Variants in PRKCB observed in about 807,000 individuals in gnomAD.
The protein encoded by PRKCB is protein kinase C beta type.
PRKCB carries 13 observed loss-of-function variants against 81.5 expected under a neutral mutation model. The observed-to-expected ratio is 0.16, with a 90% CI of 0.10 to 0.25. PRKCB has a LOEUF of 0.25. Ranked by LOEUF, PRKCB falls within the 10% of genes least tolerant of loss-of-function variation. The pLI is 1.00. For synonymous variants in PRKCB, 335 were observed against 321.4 expected, an observed-to-expected ratio of 1.04 and a Z score of -0.45; for missense variants, 509 against 875.7, an observed-to-expected ratio of 0.58 and a Z score of 5.29.
At chr16:24,192,758 G>A (rs374684687) in intron 16 of PRKCB, among the ~76,000 whole-genome samples, 27 of 152,244 alleles carry the variant, frequency 1.8e-4, no homozygotes, top group African/African-American at 6.5e-4. Flanking sequence ...GAGCACTTTA[G>A]GAATGAAGTT....
chr16:23,870,174 A>G (rs897361602), intron 2 of PRKCB, among the ~76,000 whole-genome samples: 9 of 152,242 alleles, frequency 5.9e-5, no homozygotes, highest in Admixed American at 3.9e-4. Context: ...CAAGCACCAA[A>G]CTGATACTTT....
intron 5 of PRKCB, among the ~76,000 whole-genome samples, chr16:24,065,149 C>T (rs1966016751): frequency 6.6e-6 from 1 of 150,584 alleles, no homozygotes; most frequent in African/African-American, 2.4e-5. Flanking sequence ...ATTTTTAATA[C>T]AGTCTGACAA....
chr16:24,103,913 C>A (rs1168055370), intron 7 of PRKCB, among the ~76,000 whole-genome samples: 1 of 152,212 alleles, frequency 6.6e-6, no homozygotes, highest in Non-Finnish European at 1.5e-5. Flanking sequence ...TCAAGCTATT[C>A]TCCTGCCTCA....
intron 2 of PRKCB, among the ~76,000 whole-genome samples, chr16:23,906,352 A>AT (rs1434757124): frequency 1.3e-5 from 2 of 151,794 alleles, no homozygotes; most frequent in South Asian, 2.1e-4. Context: ...TTTTTTGCCT[A>AT]TTTTTTTCTA....
At chr16:24,157,222 G>A (rs1216373838) in intron 10 of PRKCB, among the ~76,000 whole-genome samples, 1 of 152,142 alleles carries the variant, frequency 6.6e-6, no homozygotes, top group East Asian at 1.9e-4. Flanking sequence ...AACCAGGAGA[G>A]CCTAGAACAC....
chr16:24,020,974 CTTTT>C (rs67736685), intron 3 of PRKCB, among the ~76,000 whole-genome samples: 1,740 of 96,398 alleles, frequency 0.018, 49 homozygotes, highest in African/African-American at 0.035. Flanking sequence ...AGAGACTTTT[CTTTT>C]TCTTTCTTTC....
At chr16:23,960,808 C>T (rs1964415446) in intron 2 of PRKCB, among the ~76,000 whole-genome samples, 1 of 152,248 alleles carries the variant, frequency 6.6e-6, no homozygotes, top group Non-Finnish European at 1.5e-5. Context: ...GATCACCTCT[C>T]ACAGAAGCTG....
chr16:24,215,579 T>A lies in PRKCB; in HGVS notation c.*763T>A. 2 of 985,756 alleles carry A rather than the reference T, an allele frequency of 2.0e-6. No homozygotes were observed. Among genetic ancestry groups the A allele is most frequent in the Non-Finnish European group, 2.4e-6 (2 of 829,866 alleles). The allele number at this position is 985,756 out of a possible 1,614,324, so 61.1% of individuals were successfully genotyped here. A position where few individuals can be genotyped will look rare whatever the true frequency, so the allele number is the denominator to read the frequency against. On this transcript the variant is annotated 3_prime_UTR_variant, in exon 17 of 17. Transcript: ENST00000643927. ...AGCAAGGCCCCCAAAGGGCCCTGGT[T>A]TTACATTACATTTCAAACTTTATTT... is the stretch of plus-strand genomic sequence containing the variant.
intron 16 of PRKCB, among the ~76,000 whole-genome samples, chr16:24,209,067 G>A (rs989541153): frequency 4.6e-5 from 7 of 152,128 alleles, no homozygotes; most frequent in Admixed American, 4.6e-4. Flanking sequence ...TCCCATCACA[G>A]CCTCTGGGGA....
chr16:24,008,776 G>C (rs1457920827), intron 3 of PRKCB, among the ~76,000 whole-genome samples: 1 of 152,256 alleles, frequency 6.6e-6, no homozygotes, highest in Non-Finnish European at 1.5e-5. Context: ...GATGGATGCA[G>C]TACGAGACAG....
At chr16:24,066,634 TTTCACGATA>T (rs1218484880) in intron 5 of PRKCB, among the ~76,000 whole-genome samples, 1 of 152,168 alleles carries the variant, frequency 6.6e-6, no homozygotes, top group African/African-American at 2.4e-5. Flanking sequence ...TCCTTTTTTT[TTTCACGATA>T]TTCTTAGTGT....
intron 9 of PRKCB, among the ~76,000 whole-genome samples, chr16:24,129,614 A>G (rs1275782108): frequency 1.3e-5 from 2 of 151,748 alleles, no homozygotes; most frequent in East Asian, 3.9e-4. Context: ...CCCATCATCT[A>G]TCTATCATCT....
At chr16:24,047,518 G>A (rs1376181517) in intron 5 of PRKCB, among the ~76,000 whole-genome samples, 2 of 151,122 alleles carry the variant, frequency 1.3e-5, no homozygotes, top group South Asian at 2.1e-4. Flanking sequence ...GCGACAGAGC[G>A]AGACCCTGTC....
rs777590273 is a variant in PRKCB at position 24,220,165 on chromosome 16, G to A, written c.*5349G>A. Reference sequence around the variant, plus strand: ...TGGGGTGTAAGACTTCAAGCCAAGCGTATGTATCAATTCTAGTCTTCCAGG... The same window carrying A: ...TGGGGTGTAAGACTTCAAGCCAAGCATATGTATCAATTCTAGTCTTCCAGG... On this transcript the variant is annotated 3_prime_UTR_variant, in exon 17 of 17. Transcript: ENST00000643927. 33 of 1,599,648 alleles carry A rather than the reference G, an allele frequency of 2.1e-5. No homozygotes were observed. Among genetic ancestry groups the A allele is most frequent in the Middle Eastern group, 1.7e-4 (1 of 6,032 alleles).
intron 2 of PRKCB, among the ~76,000 whole-genome samples, chr16:23,873,381 A>G (rs1019721326): frequency 4.0e-5 from 6 of 151,510 alleles, no homozygotes; most frequent in East Asian, 3.9e-4. Context: ...AAAAAAAAAA[A>G]AGAGAGAAAA....
chr16:24,174,362 ATCTGTACTT>A, intron 11 of PRKCB, 147 bp from the exon 12 acceptor site: 1 of 657,942 alleles, frequency 1.5e-6, no homozygotes, highest in South Asian at 2.1e-5. Flanking sequence ...CTTTGAATCC[ATCTGTACTT>A]TCAGCACTTT....
intron 2 of PRKCB, chr16:23,868,967 C>T (rs963087270): frequency 5.6e-6 from 2 of 358,466 alleles, no homozygotes; most frequent in Non-Finnish European, 1.2e-5. Context: ...TGAGCTTGAC[C>T]CATTTCACAG....
chr16:24,100,047 A>G (rs1966485920), intron 7 of PRKCB: 1 of 151,362 alleles, frequency 6.6e-6, no homozygotes, highest in Non-Finnish European at 1.5e-5. Flanking sequence ...GTGCAACTTC[A>G]CCTTTGCCTG....
At chr16:23,994,293 A>G (rs1025157455) in intron 3 of PRKCB, among the ~76,000 whole-genome samples, 2 of 152,172 alleles carry the variant, frequency 1.3e-5, no homozygotes, top group African/African-American at 4.8e-5. Context: ...CTTACAGTGG[A>G]TCCAGTGAGT....
Sources: gnomAD v4.1 joint callset for allele counts (sites outside exome capture counted in the v4.1 genomes callset) on GRCh38, gnomAD v4.1.1 for gene constraint, MANE v1.5 for transcripts, NCBI Gene and HGNC (gene_info 2026-07-23, HGNC 2026-07-21) for gene names.